The following C12orf42 variants were observed in gnomAD, a reference collection of about 807,000 sequenced individuals.
C12orf42 encodes the protein uncharacterized protein C12orf42.
In C12orf42, 25 loss-of-function variants were observed where a neutral mutation model predicts 21.6. The ratio of observed to expected loss-of-function variants is 1.16; its 90% CI spans 0.84 to 1.62. The LOEUF (loss-of-function observed/expected upper bound fraction) is 1.62, where lower values mean the gene tolerates loss of function less well. Ranked by LOEUF, C12orf42 falls within the 40% of genes most tolerant of loss-of-function variation. C12orf42 has a pLI of 0.00. For missense variants in C12orf42, 483 were observed against 459.3 expected, an observed-to-expected ratio of 1.05 and a Z score of -0.47; for synonymous variants, 174 against 175.0, an observed-to-expected ratio of 0.99 and a Z score of 0.05.
intron 4 of C12orf42, among the ~76,000 whole-genome samples, chr12:103,320,852 T>C (rs1245305439): frequency 2.0e-5 from 3 of 152,212 alleles, no homozygotes; most frequent in Non-Finnish European, 2.9e-5. Context: ...TGTATCCTCA[T>C]TGGACACATT....
the C12orf42 span, among the ~76,000 whole-genome samples, chr12:103,087,139 C>T: frequency 6.6e-6 from 1 of 152,028 alleles, no homozygotes; most frequent in Non-Finnish European, 1.5e-5. Flanking sequence ...AGGTTTATCA[C>T]ATGGATATGA....
rs1048106343 is a variant in C12orf42, at chr12:103,405,522, A to G, written c.79-3847T>C. On this transcript the variant is annotated intron_variant, in intron 2 of 5. Transcript: ENST00000548883. ...ACTGGAGTCTTGATCATGCTCCTCA[A>G]AAAGATCTGAAGATTCATGACCTCT... is the stretch of plus-strand genomic sequence containing the variant. Among the ~76,000 whole-genome samples, 4 of 152,170 alleles carry G rather than the reference A, an allele frequency of 2.6e-5. No individual in the cohort carries two copies. In the East Asian group the frequency reaches 7.7e-4, roughly 29 times the overall value.
At chr12:103,525,755 C>T in the C12orf42 span, among the ~76,000 whole-genome samples, 3 of 152,098 alleles carry the variant, frequency 2.0e-5, no homozygotes, top group Admixed American at 1.3e-4. Context: ...CCAGGCCAGG[C>T]GCGGTGGCTC....
intron 4 of C12orf42, among the ~76,000 whole-genome samples, chr12:103,364,786 G>A (rs990237562): frequency 6.6e-6 from 1 of 151,968 alleles, no homozygotes; most frequent in African/African-American, 2.4e-5. Flanking sequence ...AAATCAGGAA[G>A]AATTAGAAAC....
chr12:103,353,398 G>A (rs887666295), intron 4 of C12orf42, among the ~76,000 whole-genome samples: 2 of 152,074 alleles, frequency 1.3e-5, no homozygotes, highest in Non-Finnish European at 1.5e-5. Flanking sequence ...TGCTAAGGAA[G>A]ATAGTTTACA....
At chr12:103,097,094 T>C in the C12orf42 span, among the ~76,000 whole-genome samples, 1 of 152,248 alleles carries the variant, frequency 6.6e-6, no homozygotes, top group African/African-American at 2.4e-5. Flanking sequence ...AATTGAATTA[T>C]TTATGACCAT....
Position 103,374,755 on chromosome 12 carries a change from G to A in C12orf42, c.148-5757C>T, listed in dbSNP as rs577235825. Among the ~76,000 whole-genome samples, 5 of 152,270 alleles carry A rather than the reference G, an allele frequency of 3.3e-5. No homozygotes were observed. In the East Asian group the frequency reaches 9.7e-4, roughly 29 times the overall value. On this transcript the variant is annotated intron_variant, in intron 3 of 5. Coordinates refer to ENST00000548883, the MANE Select transcript of C12orf42 (RefSeq NM_198521.5). ...GCCACATTCAAAGCTGTCCTGGGCT[G>A]CATGTGGCCCATGCTGCATCCTGGG...
chr12:103,536,572 G>T, the C12orf42 span, among the ~76,000 whole-genome samples: 1 of 152,140 alleles, frequency 6.6e-6, no homozygotes, highest in Non-Finnish European at 1.5e-5. Context: ...CAAGAAGGAT[G>T]AGACCATCCC....
chr12:103,082,840 G>A, the C12orf42 span, among the ~76,000 whole-genome samples: 4 of 152,302 alleles, frequency 2.6e-5, no homozygotes, highest in African/African-American at 9.6e-5. Context: ...GCAGTATTTG[G>A]TAACATAGTA....
intron 4 of C12orf42, among the ~76,000 whole-genome samples, chr12:103,310,042 A>C (rs376419947): frequency 6.6e-6 from 1 of 152,204 alleles, no homozygotes; most frequent in Non-Finnish European, 1.5e-5. Flanking sequence ...CAGTTGATAT[A>C]GTTTGTATAT....
intron 5 of C12orf42, among the ~76,000 whole-genome samples, chr12:103,302,779 A>C (rs1244670478): frequency 6.6e-5 from 10 of 151,204 alleles, no homozygotes; most frequent in African/African-American, 9.8e-5. Flanking sequence ...CTTTGAAACC[A>C]CCTACCCAAC....
chr12:103,472,344 G>T (rs1055641856), intron 2 of C12orf42, among the ~76,000 whole-genome samples: 1 of 151,930 alleles, frequency 6.6e-6, no homozygotes, highest in Non-Finnish European at 1.5e-5. Flanking sequence ...GTGAGCCACC[G>T]CACCCAGCCA....
chr12:103,068,831 C>T, the C12orf42 span, among the ~76,000 whole-genome samples: 2 of 147,564 alleles, frequency 1.4e-5, no homozygotes, highest in Non-Finnish European at 3.0e-5. Context: ...TATTATGGGA[C>T]CTTGTGATCA....
intron 4 of C12orf42, among the ~76,000 whole-genome samples, chr12:103,347,206 C>T (rs1249802406): frequency 6.6e-6 from 1 of 150,520 alleles, no homozygotes; most frequent in Non-Finnish European, 1.5e-5. Context: ...CCTCCCCTAG[C>T]CCCCCACCCC....
At chr12:103,543,392 T>C in the C12orf42 span, among the ~76,000 whole-genome samples, 8 of 152,274 alleles carry the variant, frequency 5.3e-5, no homozygotes, top group Admixed American at 5.2e-4. Context: ...GAGGATTGCT[T>C]GAGCCCAGGA....
At chr12:103,326,369 C>T (rs1593445987) in intron 4 of C12orf42, among the ~76,000 whole-genome samples, 1 of 152,164 alleles carries the variant, frequency 6.6e-6, no homozygotes. Flanking sequence ...GTCTATTCTC[C>T]ATAGAGCCAC....
the C12orf42 span, chr12:103,162,707 T>C: frequency 7.4e-4 from 112 of 152,314 alleles, no homozygotes; most frequent in African/African-American, 2.6e-3. Context: ...CATTTTTTTG[T>C]GTCACTAGTT....
the C12orf42 span, among the ~76,000 whole-genome samples, chr12:103,049,101 T>C: frequency 2.0e-5 from 3 of 152,154 alleles, no homozygotes; most frequent in Non-Finnish European, 4.4e-5. Context: ...CCAAAACATA[T>C]ATCTATGGCT....
chr12:103,421,068 G>A (rs891767373), intron 2 of C12orf42, among the ~76,000 whole-genome samples: 2 of 152,106 alleles, frequency 1.3e-5, no homozygotes, highest in African/African-American at 4.8e-5. Context: ...AATATGAGAA[G>A]ATTGTGTGGT....
Sources: allele counts gnomAD v4.1 joint callset (sites outside exome capture counted in the v4.1 genomes callset), GRCh38; gene constraint gnomAD v4.1.1; transcripts MANE v1.5; gene names NCBI Gene and HGNC (gene_info 2026-07-23, HGNC 2026-07-21).